CACNA2D2: variants seen among roughly 807,000 people sequenced by gnomAD.
The protein encoded by CACNA2D2 is calcium voltage-gated channel auxiliary subunit alpha2delta 2.
CACNA2D2 carries 48 observed loss-of-function variants against 166.4 expected under a neutral mutation model. The ratio of observed to expected loss-of-function variants is 0.29; its 90% CI spans 0.23 to 0.37. The LOEUF (loss-of-function observed/expected upper bound fraction) is 0.37. CACNA2D2 is among the 10% of genes least tolerant of loss of function. The pLI, the probability that CACNA2D2 is intolerant of heterozygous loss-of-function variation, is 1.00. For synonymous variants in CACNA2D2, 561 were observed against 573.7 expected, an observed-to-expected ratio of 0.98 and a Z score of 0.32; for missense variants, 1,122 against 1,433.0, an observed-to-expected ratio of 0.78 and a Z score of 3.50.
At chr3:50,430,107 T>C (rs1708001383) in intron 3 of CACNA2D2, among the ~76,000 whole-genome samples, 1 of 151,980 alleles carries the variant, frequency 6.6e-6, no homozygotes, top group Admixed American at 6.6e-5. Flanking sequence ...CCACCTCTGG[T>C]TTGTTTGAGG....
rs1354397541 is a variant in CACNA2D2 at position 50,365,376 on chromosome 3, G to A, written c.3078C>T (p.Ile1026=). The A allele has an allele frequency of 3.1e-6, 5 of 1,613,370 alleles. No homozygotes were observed. Among genetic ancestry groups the A allele is most frequent in the Non-Finnish European group, 4.2e-6 (5 of 1,179,816 alleles). Residue 1026 remains isoleucine, a synonymous_variant, in exon 35 of 38, where the codon ATC becomes ATT. Transcript: ENST00000424201. This position sits in a 1 kb window ranked among gnomAD's most constrained non-coding sequence, Gnocchi z 4.5. Reference sequence around the variant, plus strand: ...AGCACCTGGAGCAGTTTCCGCAGTCGATGATGGCGTTGTAGGAGGCGTTTA... The same window carrying A: ...AGCACCTGGAGCAGTTTCCGCAGTCAATGATGGCGTTGTAGGAGGCGTTTA... ...GSVNASYNAI[I]DCGNCSRLFH...
intron 3 of CACNA2D2, among the ~76,000 whole-genome samples, chr3:50,395,684 C>T (rs1181573053): frequency 3.9e-5 from 6 of 152,216 alleles, no homozygotes; most frequent in Admixed American, 3.9e-4. Context: ...GGCATTTCCT[C>T]CTCTGAAGCA....
chr3:50,365,972 T>TC lies in CACNA2D2; in HGVS notation c.2862+38dup, dbSNP rs748721259. On this transcript the variant is annotated intron_variant, in intron 32 of 37. Coordinates refer to ENST00000424201, the MANE Select transcript of CACNA2D2 (RefSeq NM_006030.4). This position sits in a 1 kb window ranked among gnomAD's most constrained non-coding sequence, Gnocchi z 4.5. Reference sequence around the variant, plus strand: ...GGTCATCTGTGGGCAGGTCTCCCAGTCCCCCCCATCTCCAGTCCAGGCATC... The same window carrying TC: ...GGTCATCTGTGGGCAGGTCTCCCAGTCCCCCCCCATCTCCAGTCCAGGCATC... 1.9e-5 allele frequency: 31 copies of TC among 1,609,072 alleles called. 1 individual carries two copies. The highest frequency in any genetic ancestry group is 8.8e-5 in the South Asian group (8 of 90,866).
rs1704007327 is a variant in CACNA2D2 at position 50,362,917 on chromosome 3, CTGT to C, written c.*1746_*1748del. 5.1e-6 allele frequency: 2 copies of C among 394,868 alleles called. No homozygotes were observed. Among genetic ancestry groups the C allele is most frequent in the South Asian group, 1.4e-4 (1 of 6,984 alleles). The allele number at this position is 394,868 out of a possible 1,614,324, so 24.5% of individuals were successfully genotyped here. A position where few individuals can be genotyped will look rare whatever the true frequency, so the allele number is the denominator to read the frequency against. On this transcript the variant is annotated 3_prime_UTR_variant, in exon 38 of 38. Coordinates refer to ENST00000424201, the MANE Select transcript of CACNA2D2 (RefSeq NM_006030.4). Reference sequence around the variant, plus strand: ...ACAAAGTTTCTTGACTTTTTTGTCGCTGTTGTTTTTCCAACTTGTCTGTACAAA... The same window carrying C: ...ACAAAGTTTCTTGACTTTTTTGTCGCTGTTTTTCCAACTTGTCTGTACAAA...
At chr3:50,409,798 C>G (rs1424062905) in intron 3 of CACNA2D2, among the ~76,000 whole-genome samples, 2 of 152,194 alleles carry the variant, frequency 1.3e-5, no homozygotes, top group Non-Finnish European at 2.9e-5. Context: ...GGGCCTCTGG[C>G]TGGCTGTGGA....
Position 50,376,445 on chromosome 3 carries a change from C to T in CACNA2D2, c.1627-257G>A, listed in dbSNP as rs1401301850. 1.3e-5 allele frequency among the ~76,000 whole-genome samples: 2 copies of T among 152,194 alleles called. No homozygotes were observed. Among genetic ancestry groups the T allele is most frequent in the African/African-American group, 4.8e-5 (2 of 41,448 alleles). On this transcript the variant is annotated intron_variant, in intron 17 of 37. Transcript: ENST00000424201. The surrounding 1 kb of genome is among the most constrained non-coding windows in gnomAD (Gnocchi z 4.3). ...TGCTCTGCAGTCCTCATCCTCTCCC[C>T]CTGGTTCTCATGAGCTGTCAGTTGT...
At chr3:50,444,256 G>A (rs1003589322) in intron 2 of CACNA2D2, among the ~76,000 whole-genome samples, 2 of 152,312 alleles carry the variant, frequency 1.3e-5, no homozygotes, top group East Asian at 3.9e-4. Flanking sequence ...GTCAGCAGCT[G>A]GCTGGCTTTT....
In CACNA2D2 at chr3:50,380,920, C is replaced by A; in HGVS notation, c.784+75G>T. 1 of 1,583,926 alleles carries A rather than the reference C, an allele frequency of 6.3e-7. No individual in the cohort carries two copies. The highest frequency in any genetic ancestry group is 1.3e-5 in the African/African-American group (1 of 74,444). Reference sequence around the variant, plus strand: ...TACAGAGAAGCCACCCCGCCCCATGCCCCCAGGATGGGTGGGCTGGTAGAT... The same window carrying A: ...TACAGAGAAGCCACCCCGCCCCATGACCCCAGGATGGGTGGGCTGGTAGAT... On this transcript the variant is annotated intron_variant, in intron 7 of 37. Transcript: ENST00000424201. This position sits in a 1 kb window ranked among gnomAD's most constrained non-coding sequence, Gnocchi z 4.9.
chr3:50,442,551 T>C (rs1175946439), intron 2 of CACNA2D2, among the ~76,000 whole-genome samples: 1 of 152,122 alleles, frequency 6.6e-6, no homozygotes, highest in African/African-American at 2.4e-5. Flanking sequence ...CTGGGGATGA[T>C]GCACGACCTC....
At chr3:50,403,414 C>A (rs973680823) in intron 3 of CACNA2D2, among the ~76,000 whole-genome samples, 2 of 152,156 alleles carry the variant, frequency 1.3e-5, no homozygotes, top group African/African-American at 2.4e-5. Flanking sequence ...CAACGGGCTG[C>A]CCTTCTCCTC....
At chr3:50,441,078 CAG>C (rs1006576125) in intron 2 of CACNA2D2, among the ~76,000 whole-genome samples, 15 of 151,486 alleles carry the variant, frequency 9.9e-5, no homozygotes, top group Non-Finnish European at 8.8e-5. Flanking sequence ...GCTGGGGAGA[CAG>C]GGTGTGAGGG....
chr3:50,469,570 G>A (rs932045375), intron 2 of CACNA2D2, among the ~76,000 whole-genome samples: 2 of 152,128 alleles, frequency 1.3e-5, no homozygotes, highest in East Asian at 1.9e-4. Flanking sequence ...CCACACTTAC[G>A]CAGGGCTAGG....
intron 2 of CACNA2D2, among the ~76,000 whole-genome samples, chr3:50,467,157 T>C (rs1257592485): frequency 6.6e-6 from 1 of 152,162 alleles, no homozygotes; most frequent in African/African-American, 2.4e-5. Flanking sequence ...CAAGTCACTC[T>C]AGGAATGGCC....
rs1284359565 is a variant in CACNA2D2 at position 50,411,884 on chromosome 3, A to C, written c.406-17716T>G. Among the ~76,000 whole-genome samples the C allele has an allele frequency of 6.6e-5, 10 of 152,220 alleles. No individual in the cohort carries two copies. The East Asian group carries it at 1.9e-3, about 29-fold the overall frequency. On this transcript the variant is annotated intron_variant, in intron 3 of 37. Transcript: ENST00000424201. ...GGAGGAGCAACATGCCCAGGGTCAC[A>C]CTACAGTCCAGGTGCCAGCTCCCAG...
At chr3:50,385,062 G>A (rs1705519577) in intron 5 of CACNA2D2, among the ~76,000 whole-genome samples, 2 of 152,184 alleles carry the variant, frequency 1.3e-5, no homozygotes, top group East Asian at 1.9e-4. Flanking sequence ...TCTCACGGCC[G>A]GGCAGGCTGG....
rs1699081151 is a variant in CACNA2D2 at position 50,503,585 on chromosome 3, C to T, written c.-162G>A. ...CGGGGCTGCACGGGCCGCAGCGCCT[C>T]TGCGGGCTGCGCGCTGCTATCTCCC... On this transcript the variant is annotated 5_prime_UTR_variant, in exon 1 of 38. Transcript: ENST00000424201. 6.0e-6 allele frequency: 1 copy of T among 166,462 alleles called. No individual in the cohort carries two copies. The highest frequency in any genetic ancestry group is 1.3e-5 in the Non-Finnish European group (1 of 78,062). The allele number at this position is 166,462 out of a possible 1,614,324, so 10.3% of individuals were successfully genotyped here.
intron 2 of CACNA2D2, among the ~76,000 whole-genome samples, chr3:50,450,865 T>C (rs1433842922): frequency 3.3e-5 from 5 of 152,146 alleles, no homozygotes. Context: ...CGGGTGTCCT[T>C]AGCCAACAAG....
intron 5 of CACNA2D2, 101 bp from the exon 6 acceptor site, chr3:50,384,438 T>A: frequency 7.6e-7 from 1 of 1,310,164 alleles, no homozygotes; most frequent in African/African-American, 1.5e-5. Context: ...GTCCAGGAGA[T>A]AGGGGCATCT....
At chr3:50,413,205 G>T (rs1159716785) in intron 3 of CACNA2D2, among the ~76,000 whole-genome samples, 1 of 152,160 alleles carries the variant, frequency 6.6e-6, no homozygotes, top group African/African-American at 2.4e-5. Context: ...ATGAGGAGGG[G>T]GAAGGGAGAG....
Sources: allele counts gnomAD v4.1 joint callset (sites outside exome capture counted in the v4.1 genomes callset), GRCh38; gene constraint gnomAD v4.1.1; non-coding constraint Gnocchi (gnomAD v3.1); transcripts MANE v1.5; gene names NCBI Gene and HGNC (gene_info 2026-07-23, HGNC 2026-07-21).